The following CTNNBIP1 variants were observed in gnomAD, a reference collection of about 807,000 sequenced individuals.
The protein encoded by CTNNBIP1 is beta-catenin-interacting protein 1.
A neutral mutation model predicts 11.8 loss-of-function variants in CTNNBIP1; 7 were observed. The observed-to-expected ratio is 0.60, with a 90% CI of 0.34 to 1.12. CTNNBIP1 has a LOEUF of 1.12. Ranked by LOEUF, CTNNBIP1 falls within the 50% of genes most tolerant of loss-of-function variation. The probability of loss-of-function intolerance (pLI) is 0.03; values close to 1 mark genes in which losing one functional copy is unlikely to be tolerated. For missense variants in CTNNBIP1, 101 were observed against 113.4 expected, an observed-to-expected ratio of 0.89 and a Z score of 0.50; for synonymous variants, 58 against 43.9, an observed-to-expected ratio of 1.32 and a Z score of -1.26.
At position 9,851,291 on chromosome 1, in the gene CTNNBIP1, G is replaced by A. The variant is rs1211596786; in HGVS notation, c.188-515C>T. Among the ~76,000 whole-genome samples the A allele has an allele frequency of 2.0e-5, 3 of 152,170 alleles. No individual in the cohort carries two copies. Among genetic ancestry groups the A allele is most frequent in the African/African-American group, 7.2e-5 (3 of 41,428 alleles). On this transcript the variant is annotated intron_variant, in intron 5 of 5. Transcript: ENST00000377263. This position sits in a 1 kb window ranked among gnomAD's most constrained non-coding sequence, Gnocchi z 4.8. ...TTCCAAGAAGTATGGCCGGGCCCAC[G>A]TCCAGCCTGCTGTCCGCCTGGCTCT...
At chr1:9,898,663 A>T (rs1195068737) in intron 1 of CTNNBIP1, among the ~76,000 whole-genome samples, 1 of 152,224 alleles carries the variant, frequency 6.6e-6, no homozygotes, top group East Asian at 1.9e-4. Flanking sequence ...CCTAAAAAAG[A>T]AATGGGCAAA....
chr1:9,868,598 T>C (rs1638795562), intron 5 of CTNNBIP1, among the ~76,000 whole-genome samples: 1 of 152,228 alleles, frequency 6.6e-6, no homozygotes, highest in African/African-American at 2.4e-5. Flanking sequence ...AAGTTAAAGT[T>C]TCTTATATAG....
intron 1 of CTNNBIP1, among the ~76,000 whole-genome samples, chr1:9,890,732 G>A (rs948701835): frequency 2.0e-5 from 3 of 152,226 alleles, no homozygotes; most frequent in Non-Finnish European, 4.4e-5. Flanking sequence ...CCCATGGGCT[G>A]TGCACCTGGC....
Position 9,848,364 on chromosome 1 carries a change from T to C in CTNNBIP1, c.*2354A>G, listed in dbSNP as rs1431415961. 6.6e-6 allele frequency: 1 copy of C among 152,234 alleles called. No homozygotes were observed. Among genetic ancestry groups the C allele is most frequent in the African/African-American group, 2.4e-5 (1 of 41,452 alleles). 9.4% of individuals were successfully genotyped at this position (152,234 alleles called of 1,614,324 possible). A position where few individuals can be genotyped will look rare whatever the true frequency, so the allele number is the denominator to read the frequency against. ...GGAGCCACAGCAACACTTTGACTTTTCCTCTTCAGAAGATGAGACAGGCCG... is the reference window on the plus strand; with the variant it reads ...GGAGCCACAGCAACACTTTGACTTTCCCTCTTCAGAAGATGAGACAGGCCG... On this transcript the variant is annotated 3_prime_UTR_variant, in exon 6 of 6. Transcript: ENST00000377263. This position sits in a 1 kb window ranked among gnomAD's most constrained non-coding sequence, Gnocchi z 4.3.
At chr1:9,884,928 G>A (rs1014949157) in intron 1 of CTNNBIP1, among the ~76,000 whole-genome samples, 17 of 152,058 alleles carry the variant, frequency 1.1e-4, no homozygotes, top group African/African-American at 3.9e-4. Context: ...GTGGGGCTGC[G>A]GTGGAACAGG....
intron 1 of CTNNBIP1, among the ~76,000 whole-genome samples, chr1:9,899,523 G>A (rs887247893): frequency 1.3e-5 from 2 of 150,964 alleles, no homozygotes; most frequent in Non-Finnish European, 2.9e-5. Flanking sequence ...CACTTTGGGA[G>A]GCCGAGGTGG....
chr1:9,907,452 G>A (rs751139232), intron 1 of CTNNBIP1, among the ~76,000 whole-genome samples: 8 of 152,150 alleles, frequency 5.3e-5, no homozygotes, highest in Non-Finnish European at 1.2e-4. Flanking sequence ...ATATACAGGG[G>A]TGAGCCACTG....
rs1251888804 is a variant in CTNNBIP1 at position 9,883,371 on chromosome 1, G to A, written c.-110+334C>T. Reference sequence around the variant, plus strand: ...AGCAAGAACAGTGAGAGCTGCTCCCGAGAGGCAGGAACCAGTGGGTTTTCT... The same window carrying A: ...AGCAAGAACAGTGAGAGCTGCTCCCAAGAGGCAGGAACCAGTGGGTTTTCT... On this transcript the variant is annotated intron_variant, in intron 2 of 5. Transcript: ENST00000377263. This position sits in a 1 kb window ranked among gnomAD's most constrained non-coding sequence, Gnocchi z 5.6. Among the ~76,000 whole-genome samples, 3 of 152,066 alleles carry A rather than the reference G, an allele frequency of 2.0e-5. No individual in the cohort carries two copies. The highest frequency in any genetic ancestry group is 4.1e-4 in the South Asian group (2 of 4,822).
intron 5 of CTNNBIP1, among the ~76,000 whole-genome samples, chr1:9,856,862 G>C (rs190822507): frequency 6.6e-6 from 1 of 151,962 alleles, no homozygotes; most frequent in East Asian, 1.9e-4. Flanking sequence ...AGTGGCTCAC[G>C]CCTGTAATTC....
At chr1:9,865,714 G>T (rs943112205) in intron 5 of CTNNBIP1, among the ~76,000 whole-genome samples, 1 of 152,212 alleles carries the variant, frequency 6.6e-6, no homozygotes, top group African/African-American at 2.4e-5. Flanking sequence ...GGATGACAGG[G>T]AACTTAACAA....
intron 1 of CTNNBIP1, among the ~76,000 whole-genome samples, chr1:9,897,623 G>A (rs1327592370): frequency 6.6e-6 from 1 of 151,962 alleles, no homozygotes; most frequent in African/African-American, 2.4e-5. Flanking sequence ...TTGCACTCCA[G>A]CCTGGGCGAC....
intron 2 of CTNNBIP1, among the ~76,000 whole-genome samples, chr1:9,881,622 A>T (rs774004751): frequency 9.2e-5 from 14 of 152,114 alleles, no homozygotes; most frequent in Non-Finnish European, 1.2e-4. Flanking sequence ...TATAGGCATG[A>T]GCCACCACGC....
At chr1:9,902,157 T>C (rs1315280025) in intron 1 of CTNNBIP1, among the ~76,000 whole-genome samples, 4 of 152,166 alleles carry the variant, frequency 2.6e-5, no homozygotes, top group African/African-American at 9.7e-5. Context: ...GGTGTCCATG[T>C]GCATCAGTTC....
chr1:9,872,426 A>T lies in CTNNBIP1; in HGVS notation c.-24-338T>A, dbSNP rs1319981748. Among the ~76,000 whole-genome samples, 2 of 152,254 alleles carry T rather than the reference A, an allele frequency of 1.3e-5. No individual in the cohort carries two copies. The highest frequency in any genetic ancestry group is 1.3e-4 in the Admixed American group (2 of 15,288). On this transcript the variant is annotated intron_variant, in intron 3 of 5. Transcript: ENST00000377263. The surrounding 1 kb of genome is among the most constrained non-coding windows in gnomAD (Gnocchi z 4.0). ...CACCCCAGAGCAAAGCTCCTGCTAC[A>T]AGCCACAGGACACGTGGTGCATGAA...
Position 9,871,204 on chromosome 1 carries a change from G to A in CTNNBIP1, c.170C>T (p.Pro57Leu), listed in dbSNP as rs757326660. Reference protein sequence around the residue: ...VVNSQLSQLPPHSIDQGAEDV... With the variant: ...VVNSQLSQLPLHSIDQGAEDV... The stretch of plus-strand genomic sequence containing the variant: ...CAACTCACCCTGGTCGATGGAGTGC[G>A]GAGGCAGCTGGCTGAGCTGGCTGTT... The change falls in exon 5 of 6, where the codon CCG becomes CTG. Residue 57 changes from proline (P) to leucine (L), a missense_variant. Pro to Leu is a moderately conservative substitution (Grantham distance 98, BLOSUM62 -3). Transcript: ENST00000377263. This position sits in a 1 kb window ranked among gnomAD's most constrained non-coding sequence, Gnocchi z 5.2. 29 of 1,577,140 alleles carry A rather than the reference G, an allele frequency of 1.8e-5. No homozygotes were observed. The South Asian group carries it at 2.7e-4, about 15-fold the overall frequency.
intron 1 of CTNNBIP1, among the ~76,000 whole-genome samples, chr1:9,900,388 T>C (rs1281695765): frequency 6.6e-6 from 1 of 152,078 alleles, no homozygotes; most frequent in African/African-American, 2.4e-5. Context: ...GCGAATGATG[T>C]TTTTAAATGA....
chr1:9,905,052 G>C (rs1639590428), intron 1 of CTNNBIP1, among the ~76,000 whole-genome samples: 1 of 152,120 alleles, frequency 6.6e-6, no homozygotes, highest in Non-Finnish European at 1.5e-5. Context: ...AAACCTCCCA[G>C]GACAAGGAGA....
In CTNNBIP1 at chr1:9,884,168, G is replaced by A. The variant is rs560336537; in HGVS notation, c.-143-430C>T. On this transcript the variant is annotated intron_variant, in intron 1 of 5. Coordinates refer to ENST00000377263, the MANE Select transcript of CTNNBIP1 (RefSeq NM_020248.3). The stretch of plus-strand genomic sequence containing the variant: ...CAGCTGCTGGGCAGTGAGTGGGGGC[G>A]ACGGGACTGGGCCAGAGGGGAGGAC... 2.6e-5 allele frequency among the ~76,000 whole-genome samples: 4 copies of A among 152,228 alleles called. No homozygotes were observed. In the East Asian group the frequency reaches 5.8e-4, roughly 22 times the overall value.
At chr1:9,860,428 TAAAA>T (rs58165059) in intron 5 of CTNNBIP1, among the ~76,000 whole-genome samples, 1 of 45,544 alleles carries the variant, frequency 2.2e-5, no homozygotes, top group Non-Finnish European at 4.3e-5. Flanking sequence ...CCGTCTCTAC[TAAAA>T]AAAAAAAAAA....
Sources: allele counts gnomAD v4.1 joint callset (sites outside exome capture counted in the v4.1 genomes callset), GRCh38; gene constraint gnomAD v4.1.1; non-coding constraint Gnocchi (gnomAD v3.1); transcripts MANE v1.5; gene names NCBI Gene and HGNC (gene_info 2026-07-23, HGNC 2026-07-21).